Variants in DAB1 observed in about 807,000 individuals in gnomAD.
DAB1 encodes the protein DAB adaptor protein 1.
Under a neutral mutation model 64.6 loss-of-function variants are expected in DAB1, and 15 were observed. The ratio of observed to expected loss-of-function variants is 0.23; its 90% CI spans 0.16 to 0.36. The LOEUF (loss-of-function observed/expected upper bound fraction) is 0.36, where lower values mean the gene tolerates loss of function less well. Among genes scored for constraint, DAB1 ranks in the 10% least tolerant of loss-of-function variants. The pLI is 1.00. For missense variants in DAB1, 596 were observed against 706.7 expected (o/e 0.84, Z 1.78); for synonymous variants, 235 against 251.9 (o/e 0.93, Z 0.64).
chr1:58,008,744 A>T (rs958068290), intron 5 of DAB1, among the ~76,000 whole-genome samples: 1 of 152,182 alleles, frequency 6.6e-6, no homozygotes, highest in Non-Finnish European at 1.5e-5. Flanking sequence ...GTTTAGTTTC[A>T]TGCCAATCCA....
intron 4 of DAB1, among the ~76,000 whole-genome samples, chr1:57,092,384 G>A (rs1023773492): frequency 6.6e-6 from 1 of 152,056 alleles, no homozygotes; most frequent in African/African-American, 2.4e-5. Flanking sequence ...GGACCTGGTA[G>A]GAAGTGATTG....
chr1:57,530,645 G>T (rs1644652396), intron 7 of DAB1, among the ~76,000 whole-genome samples: 1 of 152,190 alleles, frequency 6.6e-6, no homozygotes. Flanking sequence ...ATTATATTGT[G>T]AAGAGAGGGA....
Position 58,226,239 on chromosome 1 carries a change from C to G in DAB1, n.310-75651G>C, listed in dbSNP as rs186415744. Among the ~76,000 whole-genome samples, 187 of 152,234 alleles carry G rather than the reference C, an allele frequency of 1.2e-3. 1 individual carries two copies. Among genetic ancestry groups the G allele is most frequent in the African/African-American group, 4.4e-3 (182 of 41,532 alleles). ...AGTGTGGCATGGAAGAGATGCTATA[C>G]AAATATTGGTTGGCTGATTATATAC... On this transcript the variant is annotated intron_variant and non_coding_transcript_variant, in intron 4 of 20. Transcript: ENST00000485760.
chr1:57,232,582 C>G (rs1488217145), intron 2 of DAB1, among the ~76,000 whole-genome samples: 1 of 152,132 alleles, frequency 6.6e-6, no homozygotes, highest in African/African-American at 2.4e-5. Flanking sequence ...TAAATGCACT[C>G]TTCCCAGTTT....
chr1:57,988,070 C>A (rs1646266776), intron 5 of DAB1, among the ~76,000 whole-genome samples: 1 of 151,972 alleles, frequency 6.6e-6, no homozygotes. Flanking sequence ...ACTTAGGAAC[C>A]CAATCCCACC....
chr1:58,446,115 C>T (rs1645063276), intron 3 of DAB1, among the ~76,000 whole-genome samples: 1 of 152,184 alleles, frequency 6.6e-6, no homozygotes, highest in South Asian at 2.1e-4. Flanking sequence ...TTTAAATTTA[C>T]ATATATCTTA....
rs188969961 is a variant in DAB1, at chr1:58,121,958, G to C, written n.387+28553C>G. On this transcript the variant is annotated intron_variant and non_coding_transcript_variant, in intron 5 of 20. Transcript: ENST00000485760. ...TCCCTGAGTTCTCCCATGGCTCTGT[G>C]CCTTGTGTATATTGTGAGAAAAACT... Among the ~76,000 whole-genome samples, 752 of 152,284 alleles carry C rather than the reference G, an allele frequency of 4.9e-3. 5 individuals carry two copies. Among genetic ancestry groups the C allele is most frequent in the South Asian group, 0.016 (79 of 4,828 alleles).
rs141602957 is a variant in DAB1, at chr1:58,372,817, A to G, written n.258-29414T>C. ...TCTCTTTCTTGTCTGCCACCATGTA[A>G]GACATGCCTTGCTTTCCATTCACCT... is the stretch of plus-strand genomic sequence containing the variant. On this transcript the variant is annotated intron_variant and non_coding_transcript_variant, in intron 3 of 20. Transcript: ENST00000485760. 1.1e-4 allele frequency among the ~76,000 whole-genome samples: 16 copies of G among 152,214 alleles called. No individual in the cohort carries two copies. In the East Asian group the frequency reaches 2.7e-3, roughly 26 times the overall value.
intron 1 of DAB1, among the ~76,000 whole-genome samples, chr1:57,380,550 G>T (rs1416545720): frequency 6.6e-6 from 1 of 152,158 alleles, no homozygotes; most frequent in African/African-American, 2.4e-5. Context: ...GACAATGATG[G>T]TAATGATGGT....
At chr1:57,291,945 G>A (rs1672810748) in intron 1 of DAB1, among the ~76,000 whole-genome samples, 1 of 152,140 alleles carries the variant, frequency 6.6e-6, no homozygotes, top group Admixed American at 6.6e-5. Flanking sequence ...CACATATAGT[G>A]TCTCACTCGA....
intron 7 of DAB1, among the ~76,000 whole-genome samples, chr1:57,488,793 C>T (rs1354120911): frequency 1.3e-5 from 2 of 152,162 alleles, no homozygotes; most frequent in Non-Finnish European, 2.9e-5. Context: ...TCACTGTTGA[C>T]TTTGAGCAAA....
At chr1:58,276,792 T>C (rs1471097545) in intron 4 of DAB1, among the ~76,000 whole-genome samples, 1 of 152,186 alleles carries the variant, frequency 6.6e-6, no homozygotes, top group East Asian at 1.9e-4. Flanking sequence ...GCTTTCTTTT[T>C]TTCATTTCAC....
At position 58,425,376 on chromosome 1, in the gene DAB1, C is replaced by T. The variant is rs547711224; in HGVS notation, n.257+80684G>A. On this transcript the variant is annotated intron_variant and non_coding_transcript_variant, in intron 3 of 20. Transcript: ENST00000485760. ...TAGCTGTCACAGGGTCCAGCTGTTT[C>T]CCTGCCCGTTCCTAGGCTAGCTTTG... is the stretch of plus-strand genomic sequence containing the variant. Among the ~76,000 whole-genome samples, 189 of 152,340 alleles carry T rather than the reference C, an allele frequency of 1.2e-3. 1 individual carries two copies. The highest frequency in any genetic ancestry group is 4.4e-3 in the African/African-American group (182 of 41,584).
At chr1:57,388,523 C>A (rs2100993628) in intron 1 of DAB1, among the ~76,000 whole-genome samples, 1 of 152,246 alleles carries the variant, frequency 6.6e-6, no homozygotes, top group South Asian at 2.1e-4. Flanking sequence ...CATGTGCCTG[C>A]CCCCAGCTTC....
At chr1:58,218,224 A>G (rs1348226780) in intron 4 of DAB1, among the ~76,000 whole-genome samples, 1 of 152,172 alleles carries the variant, frequency 6.6e-6, no homozygotes. Context: ...CATGCACTCA[A>G]GAGAACAAAA....
At chr1:57,921,014 T>C (rs1457157452) in intron 5 of DAB1, among the ~76,000 whole-genome samples, 3 of 152,202 alleles carry the variant, frequency 2.0e-5, no homozygotes, top group Non-Finnish European at 4.4e-5. Context: ...TACCACATCA[T>C]TAGTAATTTA....
chr1:57,784,347 T>C (rs999707789), intron 6 of DAB1, among the ~76,000 whole-genome samples: 5 of 152,142 alleles, frequency 3.3e-5, no homozygotes, highest in Admixed American at 6.6e-5. Context: ...TGACTCGAGA[T>C]CGCGCCACTG....
chr1:57,176,450 C>A (rs529202894), intron 2 of DAB1, among the ~76,000 whole-genome samples: 1 of 152,074 alleles, frequency 6.6e-6, no homozygotes, highest in South Asian at 2.1e-4. Context: ...GAAAGACCCG[C>A]CCCCCACAAT....
rs937446621 is a variant in DAB1, at chr1:58,375,701, T to C, written n.258-32298A>G. Reference sequence around the variant, plus strand: ...TCAGAATGATGCTGGCCTCATAAAATGAGTTAGGGAGGATTCCCTCTTTTT... The same window carrying C: ...TCAGAATGATGCTGGCCTCATAAAACGAGTTAGGGAGGATTCCCTCTTTTT... On this transcript the variant is annotated intron_variant and non_coding_transcript_variant, in intron 3 of 20. Coordinates refer to the DAB1 transcript ENST00000485760. Among the ~76,000 whole-genome samples, 255 of 141,552 alleles carry C rather than the reference T, an allele frequency of 1.8e-3. 8 individuals carry two copies. Among genetic ancestry groups the C allele is most frequent in the African/African-American group, 6.3e-3 (241 of 38,460 alleles). 92.9% of individuals were successfully genotyped at this position (141,552 alleles called of 152,430 possible).
Sources: gnomAD v4.1 joint callset for allele counts (sites outside exome capture counted in the v4.1 genomes callset) on GRCh38, gnomAD v4.1.1 for gene constraint, MANE v1.5 for transcripts, NCBI Gene and HGNC (gene_info 2026-07-23, HGNC 2026-07-21) for gene names.